DPH6: variants seen among roughly 807,000 people sequenced by gnomAD.
DPH6 encodes the protein diphthamine biosynthesis 6.
Under a neutral mutation model 38.2 loss-of-function variants are expected in DPH6, and 33 were observed. That is an observed-to-expected ratio of 0.86 (90% CI 0.65 to 1.15). The LOEUF is 1.15. Among genes scored for constraint, DPH6 ranks in the 50% most tolerant of loss-of-function variants. The pLI, the probability that DPH6 is intolerant of heterozygous loss-of-function variation, is 0.00. For synonymous variants in DPH6, 108 were observed against 103.0 expected (o/e 1.05, Z -0.30); for missense variants, 325 against 320.0 (o/e 1.02, Z -0.12).
intron 3 of DPH6, among the ~76,000 whole-genome samples, chr15:35,279,068 A>AATATATATATATATATAT (rs1555390827): frequency 2.9e-5 from 3 of 102,990 alleles, no homozygotes; most frequent in African/African-American, 1.5e-4. Context: ...AAAAAAAAAA[A>AATATATATATATATATAT]ATATATATAT....
chr15:35,222,723 G>T (rs547333278), intron 3 of DPH6, among the ~76,000 whole-genome samples: 1 of 152,198 alleles, frequency 6.6e-6, no homozygotes, highest in Admixed American at 6.5e-5. Context: ...AATCAGATAC[G>T]CATTTGTCTC....
the DPH6 span, among the ~76,000 whole-genome samples, chr15:35,207,392 C>T: frequency 2.6e-5 from 4 of 152,096 alleles, no homozygotes; most frequent in Admixed American, 6.6e-5. Context: ...AAAGTATCTG[C>T]ATGTTGAATA....
chr15:35,512,460 A>G (rs2141218758), intron 3 of DPH6, among the ~76,000 whole-genome samples: 1 of 152,284 alleles, frequency 6.6e-6, no homozygotes, highest in Admixed American at 6.5e-5. Context: ...TTTTTAGTAT[A>G]AAGTATACTA....
At chr15:35,283,031 T>C (rs1460147494) in intron 3 of DPH6, 2 of 185,358 alleles carry the variant, frequency 1.1e-5, no homozygotes, top group East Asian at 1.6e-4. Flanking sequence ...TCTTCTTCCT[T>C]CTTCTTCTTC....
intron 8 of DPH6, among the ~76,000 whole-genome samples, chr15:35,372,864 C>T (rs1295664996): frequency 1.3e-5 from 2 of 151,874 alleles, no homozygotes; most frequent in Non-Finnish European, 2.9e-5. Flanking sequence ...TTTTCTAATC[C>T]TTTTCTGTCA....
intron 3 of DPH6, among the ~76,000 whole-genome samples, chr15:35,244,159 G>C (rs1034155308): frequency 1.3e-5 from 2 of 152,150 alleles, no homozygotes; most frequent in East Asian, 3.8e-4. Flanking sequence ...TGTACCAAAA[G>C]ATATTTAATT....
intron 3 of DPH6, among the ~76,000 whole-genome samples, chr15:35,456,550 C>T (rs553737111): frequency 2.7e-5 from 4 of 150,556 alleles, no homozygotes; most frequent in East Asian, 2.0e-4. Context: ...TGCAGTGGCA[C>T]GATCTCAGCT....
intron 3 of DPH6, among the ~76,000 whole-genome samples, chr15:35,498,602 G>T (rs2054586483): frequency 6.6e-6 from 1 of 152,066 alleles, no homozygotes; most frequent in African/African-American, 2.4e-5. Context: ...ATGCGTCCTT[G>T]TTGATGGGAA....
intron 6 of DPH6, among the ~76,000 whole-genome samples, chr15:35,396,016 C>G (rs777623506): frequency 6.6e-6 from 1 of 152,112 alleles, no homozygotes; most frequent in Non-Finnish European, 1.5e-5. Context: ...GGAATAGCCA[C>G]TAACTGCCGA....
At position 35,488,514 on chromosome 15, in the gene DPH6, G is replaced by A. The variant is rs1006901245; in HGVS notation, c.313-33694C>T. Among the ~76,000 whole-genome samples, 5 of 152,140 alleles carry A rather than the reference G, an allele frequency of 3.3e-5. No homozygotes were observed. The South Asian group carries it at 8.3e-4, about 25-fold the overall frequency. ...CAGCAGGAGAGCGAGTGAGCAAGAAGTGCCAAACTTTTAAACCATCAGATC... is the reference window on the plus strand; with the variant it reads ...CAGCAGGAGAGCGAGTGAGCAAGAAATGCCAAACTTTTAAACCATCAGATC... On this transcript the variant is annotated intron_variant, in intron 3 of 8. Coordinates refer to ENST00000256538, the MANE Select transcript of DPH6 (RefSeq NM_080650.4).
the DPH6 span, among the ~76,000 whole-genome samples, chr15:35,190,840 GAGTC>G: frequency 6.6e-6 from 1 of 152,210 alleles, no homozygotes; most frequent in Non-Finnish European, 1.5e-5. Context: ...AAACAAGATG[GAGTC>G]AGTTAGGTCA....
intron 3 of DPH6, among the ~76,000 whole-genome samples, chr15:35,496,567 A>AAAAAAAAAAAATATATATATATATATAT: frequency 3.2e-5 from 1 of 31,014 alleles, no homozygotes; most frequent in Admixed American, 4.7e-4. Context: ...AAAAAAAAAA[A>AAAAAAAAAAAATATATATATATATATAT]ATATATATAT....
At chr15:35,391,917 C>T (rs2053064763) in intron 6 of DPH6, among the ~76,000 whole-genome samples, 1 of 152,176 alleles carries the variant, frequency 6.6e-6, no homozygotes, top group Admixed American at 6.5e-5. Context: ...CAGAAATCAC[C>T]CGTCTTCTGC....
At chr15:35,411,117 T>C (rs1370813263) in intron 5 of DPH6, among the ~76,000 whole-genome samples, 1 of 151,856 alleles carries the variant, frequency 6.6e-6, no homozygotes, top group Non-Finnish European at 1.5e-5. Context: ...CTTATTTCAA[T>C]TGCACTGTGT....
At chr15:35,146,096 T>C in the DPH6 span, among the ~76,000 whole-genome samples, 1 of 151,894 alleles carries the variant, frequency 6.6e-6, no homozygotes, top group Non-Finnish European at 1.5e-5. Flanking sequence ...TGTGTGTGTG[T>C]GTGTGTGTGT....
chr15:35,315,535 A>C (rs1335859085), intron 3 of DPH6, among the ~76,000 whole-genome samples: 1 of 152,242 alleles, frequency 6.6e-6, no homozygotes, highest in Non-Finnish European at 1.5e-5. Context: ...AAAGACAGGC[A>C]GTAGCAGATG....
chr15:35,256,593 T>A lies in DPH6; in HGVS notation n.201-36011A>T, dbSNP rs185461762. Among the ~76,000 whole-genome samples the A allele has an allele frequency of 1.3e-3, 191 of 152,314 alleles. 3 individuals carry two copies. The highest frequency in any genetic ancestry group is 6.6e-3 in the South Asian group (32 of 4,834). Reference sequence around the variant, plus strand: ...ATCAGCAACAATCTGCAAAAGAGGCTGTGTGTATATAATGGAAAGTACTTC... The same window carrying A: ...ATCAGCAACAATCTGCAAAAGAGGCAGTGTGTATATAATGGAAAGTACTTC... On this transcript the variant is annotated intron_variant and non_coding_transcript_variant, in intron 3 of 3. Coordinates refer to the DPH6 transcript ENST00000560386.
chr15:35,167,233 A>G, the DPH6 span, among the ~76,000 whole-genome samples: 1 of 152,040 alleles, frequency 6.6e-6, no homozygotes, highest in African/African-American at 2.4e-5. Context: ...AAGAATAACA[A>G]AAAGAGCAAC....
intron 3 of DPH6, among the ~76,000 whole-genome samples, chr15:35,523,672 A>G (rs1487200531): frequency 6.6e-6 from 1 of 152,122 alleles, no homozygotes; most frequent in Non-Finnish European, 1.5e-5. Context: ...TCCAAGGAAC[A>G]ATTATAAGCA....
Sources: allele counts gnomAD v4.1 joint callset (sites outside exome capture counted in the v4.1 genomes callset), GRCh38; gene constraint gnomAD v4.1.1; transcripts MANE v1.5; gene names NCBI Gene and HGNC (gene_info 2026-07-23, HGNC 2026-07-21).